Variants in ADAMTS20 observed in about 807,000 individuals in gnomAD.
ADAMTS20 encodes ADAM metallopeptidase with thrombospondin type 1 motif 20.
ADAMTS20 carries 225 observed loss-of-function variants against 260.1 expected under a neutral mutation model. The ratio of observed to expected loss-of-function variants is 0.87; its 90% CI spans 0.78 to 0.97. The LOEUF is 0.97. Among genes scored for constraint, ADAMTS20 ranks in the 50% least tolerant of loss-of-function variants. ADAMTS20 has a pLI of 0.00. For missense variants in ADAMTS20, 2,400 were observed against 2,337.7 expected (o/e 1.03, Z -0.55); for synonymous variants, 802 against 769.5 (o/e 1.04, Z -0.70).
At chr12:43,513,889 C>T (rs556817373) in intron 3 of ADAMTS20, among the ~76,000 whole-genome samples, 2 of 146,220 alleles carry the variant, frequency 1.4e-5, no homozygotes, top group East Asian at 4.1e-4. Context: ...GGAAGGGGAA[C>T]ATCACACCCC....
Position 43,369,352 on chromosome 12 carries a change from A to C in ADAMTS20, c.5476T>G (p.Phe1826Val). Reference protein sequence around the residue: ...TTDLLFSKTIFGNAVPFATAG... With the variant: ...TTDLLFSKTIVGNAVPFATAG... ...GTGGCAAATGGAACTGCATTTCCAA[A>C]TATTGTTTTGGAAAAAAGAAGGTCC... Residue 1826 changes from phenylalanine to valine, a missense_variant, in exon 37 of 39, where the codon TTT (phenylalanine) becomes GTT (valine). Transcript: ENST00000389420. 6.4e-7 allele frequency: 1 copy of C among 1,560,026 alleles called. No individual in the cohort carries two copies. The highest frequency in any genetic ancestry group is 8.7e-7 in the Non-Finnish European group (1 of 1,154,192).
intron 31 of ADAMTS20, among the ~76,000 whole-genome samples, chr12:43,381,137 T>A (rs1001481788): frequency 6.6e-6 from 1 of 152,090 alleles, no homozygotes; most frequent in Non-Finnish European, 1.5e-5. Context: ...GCTAATTCAA[T>A]GGGGGAAAGA....
Position 43,354,237 on chromosome 12 carries a change from G to A in ADAMTS20, c.5705C>T (p.Thr1902Ile), listed in dbSNP as rs554496182. 1.9e-4 allele frequency: 300 copies of A among 1,593,400 alleles called. No homozygotes were observed. The highest frequency in any genetic ancestry group is 2.5e-4 in the Non-Finnish European group (289 of 1,168,590). ...TATGACTTGAATTGGGAGACCAGTA[G>A]TCATGTGAGGAAGACACTTTCCACA... ...GYCGKCLPHM[T>I]TGLPIQVI Residue 1902 changes from threonine to isoleucine, a missense_variant, in exon 39 of 39, where the codon ACT becomes ATT. Transcript: ENST00000389420.
In ADAMTS20 at chr12:43,501,341, T is replaced by C. The variant is rs966818514; in HGVS notation, c.867+811A>G. On this transcript the variant is annotated intron_variant, in intron 4 of 38. Transcript: ENST00000389420. Reference sequence around the variant, plus strand: ...TCCCAAAGTGCTGGGATTACAAGTGTGAGCTACCACACCTGGCCAGTAATT... The same window carrying C: ...TCCCAAAGTGCTGGGATTACAAGTGCGAGCTACCACACCTGGCCAGTAATT... 4.9e-4 allele frequency among the ~76,000 whole-genome samples: 74 copies of C among 152,134 alleles called. 1 individual carries two copies. Among genetic ancestry groups the C allele is most frequent in the Middle Eastern group, 3.4e-3 (1 of 294 alleles).
intron 37 of ADAMTS20, among the ~76,000 whole-genome samples, chr12:43,362,619 C>T (rs1309006194): frequency 1.3e-5 from 2 of 152,030 alleles, no homozygotes; most frequent in Non-Finnish European, 2.9e-5. Context: ...ATAACTATAA[C>T]CACCACTTAA....
intron 4 of ADAMTS20, among the ~76,000 whole-genome samples, chr12:43,493,524 C>T (rs1467740647): frequency 6.6e-6 from 1 of 152,160 alleles, no homozygotes; most frequent in African/African-American, 2.4e-5. Flanking sequence ...GGATCAGCAG[C>T]ATCCACATAA....
At chr12:43,521,543 CT>C (rs1331665404) in intron 3 of ADAMTS20, among the ~76,000 whole-genome samples, 3 of 152,096 alleles carry the variant, frequency 2.0e-5, no homozygotes, top group Admixed American at 6.6e-5. Flanking sequence ...GATAAGATGG[CT>C]TTTTTCTTTA....
chr12:43,429,179 A>G (rs1401174031), intron 24 of ADAMTS20, among the ~76,000 whole-genome samples: 1 of 152,150 alleles, frequency 6.6e-6, no homozygotes, highest in Non-Finnish European at 1.5e-5. Context: ...ATATAATTCC[A>G]TAATTAAAAT....
At chr12:43,426,010 A>G (rs1219093853) in intron 27 of ADAMTS20, among the ~76,000 whole-genome samples, 4 of 152,204 alleles carry the variant, frequency 2.6e-5, no homozygotes, top group Admixed American at 6.5e-5. Context: ...TGGCAGGTTA[A>G]GCCAGAATCA....
At chr12:43,382,204 T>A (rs953259883) in intron 31 of ADAMTS20, among the ~76,000 whole-genome samples, 1 of 152,192 alleles carries the variant, frequency 6.6e-6, no homozygotes, top group Non-Finnish European at 1.5e-5. Context: ...AACAGCATTA[T>A]TGAAACGTCA....
chr12:43,413,775 A>T (rs1941076651), intron 28 of ADAMTS20, among the ~76,000 whole-genome samples: 1 of 152,184 alleles, frequency 6.6e-6, no homozygotes, highest in Non-Finnish European at 1.5e-5. Context: ...TATTTAAAAC[A>T]CCTGAATAAG....
chr12:43,455,896 A>G (rs1941956361), intron 11 of ADAMTS20, among the ~76,000 whole-genome samples: 1 of 152,092 alleles, frequency 6.6e-6, no homozygotes, highest in Non-Finnish European at 1.5e-5. Flanking sequence ...TTTAGTAGAG[A>G]CAGGGTTTCA....
chr12:43,537,941 A>T (rs1943319696), intron 2 of ADAMTS20, among the ~76,000 whole-genome samples: 1 of 152,208 alleles, frequency 6.6e-6, no homozygotes, highest in South Asian at 2.1e-4. Context: ...GGTTGCTTCC[A>T]AATCTTGGCT....
At chr12:43,488,233 A>G (rs993456068) in intron 7 of ADAMTS20, among the ~76,000 whole-genome samples, 3 of 152,012 alleles carry the variant, frequency 2.0e-5, no homozygotes, top group Non-Finnish European at 4.4e-5. Flanking sequence ...TTCAGGTTTA[A>G]CAGGGAAAAT....
intron 19 of ADAMTS20, among the ~76,000 whole-genome samples, chr12:43,433,471 T>C (rs904174407): frequency 3.3e-5 from 5 of 152,308 alleles, no homozygotes; most frequent in Admixed American, 3.3e-4. Context: ...TTTACTACTA[T>C]GTAGTGGATG....
chr12:43,523,968 T>C (rs1278358649), intron 3 of ADAMTS20, among the ~76,000 whole-genome samples: 4 of 151,132 alleles, frequency 2.6e-5, no homozygotes, highest in Non-Finnish European at 5.9e-5. Context: ...CTCCCCTGGG[T>C]AACATAAGGC....
At position 43,492,565 on chromosome 12, in the gene ADAMTS20, G is replaced by T; in HGVS notation, c.1016C>A (p.Thr339Asn). The change falls in exon 6 of 39, where the codon ACT becomes AAT. Residue 339 changes from threonine (T) to asparagine (N), a missense_variant. Transcript: ENST00000389420. ...TLKNFCSWQQTQNDLDDVHPS... is the reference protein window; with the variant it reads ...TLKNFCSWQQNQNDLDDVHPS... ...GTGAACATCATCAAGGTCATTCTGA[G>T]TTTGTTGCCATGAACAAAAGTTCTT... is the stretch of plus-strand genomic sequence containing the variant. The T allele has an allele frequency of 6.2e-7, 1 of 1,613,836 alleles. No homozygotes were observed. Among genetic ancestry groups the T allele is most frequent in the Non-Finnish European group, 8.5e-7 (1 of 1,179,812 alleles).
intron 9 of ADAMTS20, among the ~76,000 whole-genome samples, chr12:43,465,408 A>T (rs1942136402): frequency 6.6e-6 from 1 of 152,114 alleles, no homozygotes; most frequent in South Asian, 2.1e-4. Flanking sequence ...CTATCAGAAT[A>T]CATGATATGT....
chr12:43,436,498 T>TCAC (rs3031199), intron 18 of ADAMTS20, among the ~76,000 whole-genome samples: 2 of 151,532 alleles, frequency 1.3e-5, no homozygotes, highest in East Asian at 3.9e-4. Context: ...TAAAATATGA[T>TCAC]TTGAACATAT....
Sources: gnomAD v4.1 joint callset for allele counts (sites outside exome capture counted in the v4.1 genomes callset) on GRCh38, gnomAD v4.1.1 for gene constraint, MANE v1.5 for transcripts, NCBI Gene and HGNC (gene_info 2026-07-23, HGNC 2026-07-21) for gene names.